RNF38: variants seen among roughly 807,000 people sequenced by gnomAD.
RNF38 encodes the protein ring finger protein 38, also known as E3 ubiquitin-protein ligase RNF38.
RNF38 carries 15 observed loss-of-function variants against 67.2 expected under a neutral mutation model. The ratio of observed to expected loss-of-function variants is 0.22; its 90% CI spans 0.15 to 0.34. The LOEUF (loss-of-function observed/expected upper bound fraction) is 0.34. Ranked by LOEUF, RNF38 falls within the 10% of genes least tolerant of loss-of-function variation. The pLI, the probability that RNF38 is intolerant of heterozygous loss-of-function variation, is 1.00. For missense variants in RNF38, 524 were observed against 639.9 expected (o/e 0.82, Z 1.95); for synonymous variants, 220 against 218.8 (o/e 1.01, Z -0.05).
At chr9:36,361,601 G>A (rs1715056003) in intron 4 of RNF38, among the ~76,000 whole-genome samples, 2 of 152,094 alleles carry the variant, frequency 1.3e-5, no homozygotes, top group South Asian at 4.1e-4. Context: ...ATTCAAAAAA[G>A]GAAAATATAA....
chr9:36,391,300 A>C (rs1322018666), intron 1 of RNF38, among the ~76,000 whole-genome samples: 1 of 152,202 alleles, frequency 6.6e-6, no homozygotes. Flanking sequence ...CCAGTTATCT[A>C]CAAAAATTAA....
chr9:36,360,002 C>T (rs1443629505), intron 4 of RNF38, among the ~76,000 whole-genome samples: 1 of 152,028 alleles, frequency 6.6e-6, no homozygotes, highest in African/African-American at 2.4e-5. Flanking sequence ...GCCTCAGCCT[C>T]CCAAAGTGTT....
rs972989998 is a variant in RNF38 at position 36,338,805 on chromosome 9, T to C, written c.*947A>G. ...TTCTGTAAGAAACTTACTGGAAATG[T>C]AAAGGAAAAAAAAGTATCAACATTC... On this transcript the variant is annotated 3_prime_UTR_variant, in exon 12 of 12. Coordinates refer to ENST00000259605, the MANE Select transcript of RNF38 (RefSeq NM_022781.5). 1 of 152,364 alleles carries C rather than the reference T, an allele frequency of 6.6e-6. No homozygotes were observed. The highest frequency in any genetic ancestry group is 1.5e-5 in the Non-Finnish European group (1 of 67,998). 9.4% of individuals were successfully genotyped at this position (152,364 alleles called of 1,614,324 possible).
chr9:36,393,477 T>A (rs62541843), intron 1 of RNF38, among the ~76,000 whole-genome samples: 1 of 87,760 alleles, frequency 1.1e-5, no homozygotes, highest in East Asian at 4.0e-4. Flanking sequence ...CACACACACA[T>A]TGTGTGTGTG....
chr9:36,462,580 A>C (rs1417728027), intron 1 of RNF38, among the ~76,000 whole-genome samples: 1 of 152,162 alleles, frequency 6.6e-6, no homozygotes, highest in East Asian at 1.9e-4. Flanking sequence ...CTTTTGCGTC[A>C]GGGCTTCTGC....
At chr9:36,400,601 C>A (rs1316174929), upstream of RNF38, 5 of 986,324 alleles carry the variant, frequency 5.1e-6, no homozygotes, top group African/African-American at 7.0e-5. Context: ...CGGATCCTCG[C>A]TGGGCCGCCG....
intron 1 of RNF38, among the ~76,000 whole-genome samples, chr9:36,399,211 A>C (rs963767091): frequency 3.9e-5 from 6 of 152,218 alleles, no homozygotes; most frequent in Admixed American, 2.6e-4. Context: ...AAAGCCCAAC[A>C]AGTATGGAAA....
intron 9 of RNF38, among the ~76,000 whole-genome samples, chr9:36,346,451 A>G (rs1421832234): frequency 6.6e-6 from 1 of 152,174 alleles, no homozygotes; most frequent in Non-Finnish European, 1.5e-5. Context: ...TTGGCCTCCC[A>G]AAGTGCTGGG....
chr9:36,463,480 C>T (rs2134383523), intron 1 of RNF38, among the ~76,000 whole-genome samples: 1 of 152,226 alleles, frequency 6.6e-6, no homozygotes, highest in South Asian at 2.1e-4. Context: ...GAAAAACTCA[C>T]AATTATGCCA....
chr9:36,475,890 TC>T, intron 1 of RNF38, among the ~76,000 whole-genome samples: 1 of 150,338 alleles, frequency 6.7e-6, no homozygotes, highest in Admixed American at 6.6e-5. Flanking sequence ...GTGGCTGTAG[TC>T]CCAGCTACTC....
chr9:36,388,620 A>G (rs1299905417), intron 2 of RNF38, among the ~76,000 whole-genome samples: 3 of 152,120 alleles, frequency 2.0e-5, no homozygotes, highest in East Asian at 3.9e-4. Flanking sequence ...CCAACTCCTC[A>G]TGCTTGGTGT....
intron 1 of RNF38, among the ~76,000 whole-genome samples, chr9:36,438,078 A>G (rs970790725): frequency 1.3e-5 from 2 of 152,116 alleles, no homozygotes; most frequent in Non-Finnish European, 2.9e-5. Context: ...AGTAGCTGGG[A>G]CTACAAGTGT....
chr9:36,393,485 G>A (rs576625179), intron 1 of RNF38, among the ~76,000 whole-genome samples: 1 of 133,440 alleles, frequency 7.5e-6, no homozygotes, highest in South Asian at 2.3e-4. Flanking sequence ...CATTGTGTGT[G>A]TGTGTGTGTG....
intron 8 of RNF38, among the ~76,000 whole-genome samples, chr9:36,351,600 A>G (rs140781305): frequency 1.4e-3 from 206 of 152,334 alleles, no homozygotes; most frequent in African/African-American, 4.4e-3. Flanking sequence ...GAGACATACT[A>G]TATCTGACAT....
chr9:36,373,518 G>A (rs1835544804), intron 3 of RNF38, among the ~76,000 whole-genome samples: 1 of 151,494 alleles, frequency 6.6e-6, no homozygotes. Context: ...GGGAACGGTA[G>A]CACCTGAGGC....
chr9:36,435,690 C>T lies in RNF38; in HGVS notation n.242-11007G>A, dbSNP rs1055905242. Among the ~76,000 whole-genome samples, 7 of 148,878 alleles carry T rather than the reference C, an allele frequency of 4.7e-5. No individual in the cohort carries two copies. In the South Asian group the frequency reaches 1.3e-3, roughly 27 times the overall value. On this transcript the variant is annotated intron_variant and non_coding_transcript_variant, in intron 1 of 3. Coordinates refer to the RNF38 transcript ENST00000488058. ...GGCTGGAGTGGCTGGAGTGCAGTGG[C>T]GCGATCTCGGCTCCCTGCAAGCTCC...
At chr9:36,438,323 C>T (rs556031615) in intron 1 of RNF38, among the ~76,000 whole-genome samples, 14 of 152,178 alleles carry the variant, frequency 9.2e-5, no homozygotes, top group South Asian at 6.2e-4. Flanking sequence ...TTGTCCAACC[C>T]GTGACCCATG....
intron 2 of RNF38, among the ~76,000 whole-genome samples, chr9:36,421,945 A>C (rs1379262604): frequency 1.3e-5 from 2 of 151,424 alleles, no homozygotes. Flanking sequence ...TGAAAGCTAT[A>C]ATCTGGCCAG....
intron 4 of RNF38, among the ~76,000 whole-genome samples, chr9:36,368,594 T>C (rs1835143970): frequency 6.6e-6 from 1 of 152,164 alleles, no homozygotes; most frequent in Non-Finnish European, 1.5e-5. Flanking sequence ...GTATTTTATA[T>C]CCATACTTTT....
Sources: allele counts gnomAD v4.1 joint callset (sites outside exome capture counted in the v4.1 genomes callset), GRCh38; gene constraint gnomAD v4.1.1; transcripts MANE v1.5; gene names NCBI Gene and HGNC (gene_info 2026-07-23, HGNC 2026-07-21).